Variants in MAP3K20 observed in about 807,000 individuals in gnomAD.
MAP3K20 encodes HCCS-4.
MAP3K20 carries 40 observed loss-of-function variants against 85.7 expected under a neutral mutation model. That is an observed-to-expected ratio of 0.47 (90% CI 0.36 to 0.61). The LOEUF (loss-of-function observed/expected upper bound fraction) is 0.61, where lower values mean the gene tolerates loss of function less well. Among genes scored for constraint, MAP3K20 ranks in the 20% least tolerant of loss-of-function variants. The pLI, the probability that MAP3K20 is intolerant of heterozygous loss-of-function variation, is 0.00. For missense variants in MAP3K20, 817 were observed against 961.7 expected (o/e 0.85, Z 1.99); for synonymous variants, 325 against 327.7 (o/e 0.99, Z 0.09).
At chr2:173,098,907 A>G (rs1687543786) in intron 2 of MAP3K20, among the ~76,000 whole-genome samples, 1 of 152,190 alleles carries the variant, frequency 6.6e-6, no homozygotes, top group Admixed American at 6.5e-5. Flanking sequence ...CCCACACCAA[A>G]TGAGTCAGAA....
At chr2:173,111,043 A>G (rs1687960684) in intron 2 of MAP3K20, among the ~76,000 whole-genome samples, 1 of 152,150 alleles carries the variant, frequency 6.6e-6, no homozygotes. Flanking sequence ...TTACATTCCT[A>G]CCAGCAGTGT....
intron 10 of MAP3K20, among the ~76,000 whole-genome samples, chr2:173,213,518 C>T (rs986704269): frequency 6.6e-6 from 1 of 152,182 alleles, no homozygotes; most frequent in Admixed American, 6.5e-5. Flanking sequence ...TAGGTTCTTA[C>T]CAGATGCCTG....
At chr2:173,263,583 C>T (rs1685344959) in intron 18 of MAP3K20, among the ~76,000 whole-genome samples, 162 bp from the exon 19 acceptor site, 2 of 152,102 alleles carry the variant, frequency 1.3e-5, no homozygotes, top group South Asian at 4.1e-4. Context: ...GCCAACTGTT[C>T]AGAATATTTT....
intron 9 of MAP3K20, among the ~76,000 whole-genome samples, chr2:173,204,608 G>A (rs150837722): frequency 7.9e-5 from 12 of 152,206 alleles, no homozygotes; most frequent in East Asian, 5.8e-4. Context: ...AAAGACTCTC[G>A]CATACATATG....
intron 3 of MAP3K20, 120 bp downstream of exon 3, chr2:173,170,012 T>C: frequency 1.1e-6 from 1 of 886,146 alleles, no homozygotes; most frequent in Non-Finnish European, 1.8e-6. Context: ...CAGATGTCAC[T>C]TTTGTTGCTA....
intron 1 of MAP3K20, among the ~76,000 whole-genome samples, chr2:173,085,855 G>A (rs1400480440): frequency 7.5e-6 from 1 of 133,528 alleles, no homozygotes; most frequent in African/African-American, 2.9e-5. Context: ...GAGTGCAGTG[G>A]TGCGATCTTG....
At chr2:173,235,713 A>G (rs1478371870) in intron 14 of MAP3K20, among the ~76,000 whole-genome samples, 3 of 152,316 alleles carry the variant, frequency 2.0e-5, no homozygotes, top group South Asian at 4.1e-4. Flanking sequence ...CCACTTTAAA[A>G]TGGTTAATTT....
intron 8 of MAP3K20, among the ~76,000 whole-genome samples, chr2:173,201,053 G>C (rs77842892): frequency 6.6e-6 from 1 of 152,102 alleles, no homozygotes. Flanking sequence ...TGAGATTGGC[G>C]CATTACTCTT....
chr2:173,118,566 C>T (rs1688190339), intron 2 of MAP3K20, among the ~76,000 whole-genome samples: 1 of 152,196 alleles, frequency 6.6e-6, no homozygotes, highest in East Asian at 1.9e-4. Flanking sequence ...CACACCCACA[C>T]ATTCTCCAGC....
chr2:173,166,065 C>T (rs911102738), intron 2 of MAP3K20, among the ~76,000 whole-genome samples: 2 of 152,116 alleles, frequency 1.3e-5, no homozygotes, highest in African/African-American at 4.8e-5. Flanking sequence ...AACGCTGTAC[C>T]CATTAAGCAA....
chr2:173,146,858 C>T (rs76746652), intron 2 of MAP3K20, among the ~76,000 whole-genome samples: 114 of 152,270 alleles, frequency 7.5e-4, no homozygotes, highest in African/African-American at 2.4e-3. Context: ...TACACCCTTG[C>T]CAACACTTGT....
intron 11 of MAP3K20, among the ~76,000 whole-genome samples, chr2:173,228,231 G>A (rs1281985456): frequency 2.0e-5 from 3 of 152,022 alleles, no homozygotes; most frequent in South Asian, 2.1e-4. Context: ...GGGTTTTTCC[G>A]CTTGCCTTCC....
At chr2:173,156,731 G>T (rs1351673606) in intron 2 of MAP3K20, among the ~76,000 whole-genome samples, 1 of 152,186 alleles carries the variant, frequency 6.6e-6, no homozygotes, top group Admixed American at 6.5e-5. Flanking sequence ...GTGCGACCTG[G>T]TTCCTAACAG....
chr2:173,196,969 A>G (rs1690865282), intron 7 of MAP3K20, among the ~76,000 whole-genome samples: 1 of 150,580 alleles, frequency 6.6e-6, no homozygotes, highest in Non-Finnish European at 1.5e-5. Flanking sequence ...TTTTTTTTTA[A>G]CTTTTTAAAT....
chr2:173,237,614 C>CTTCCT (rs1405406044), intron 14 of MAP3K20, among the ~76,000 whole-genome samples: 1 of 152,172 alleles, frequency 6.6e-6, no homozygotes, highest in African/African-American at 2.4e-5. Context: ...TTTAAATTGT[C>CTTCCT]TTCCTTTCCT....
intron 9 of MAP3K20, among the ~76,000 whole-genome samples, chr2:173,204,279 C>T (rs1187384541): frequency 6.6e-6 from 1 of 152,224 alleles, no homozygotes; most frequent in Non-Finnish European, 1.5e-5. Context: ...CAATTATCCT[C>T]ATTTAACAGA....
intron 12 of MAP3K20, 62 bp from the exon 13 acceptor site, chr2:173,232,130 G>C: frequency 6.3e-7 from 1 of 1,595,666 alleles, no homozygotes; most frequent in Non-Finnish European, 8.6e-7. Flanking sequence ...TATGTTTACT[G>C]TGAAGACTGG....
At chr2:173,246,720 C>G (rs1203118099) in intron 16 of MAP3K20, among the ~76,000 whole-genome samples, 1 of 152,184 alleles carries the variant, frequency 6.6e-6, no homozygotes, top group African/African-American at 2.4e-5. Flanking sequence ...ATTTCCTCCT[C>G]TCCCCAATAA....
At chr2:173,252,420 C>G (rs1014820146) in intron 16 of MAP3K20, among the ~76,000 whole-genome samples, 1 of 152,182 alleles carries the variant, frequency 6.6e-6, no homozygotes, top group South Asian at 2.1e-4. Context: ...CCTCCATTAG[C>G]CACACACGTG....
Sources: gnomAD v4.1 joint callset for allele counts (sites outside exome capture counted in the v4.1 genomes callset) on GRCh38, gnomAD v4.1.1 for gene constraint, MANE v1.5 for transcripts, NCBI Gene and HGNC (gene_info 2026-07-23, HGNC 2026-07-21) for gene names.